The following LARGE1 variants were observed in gnomAD, a reference collection of about 807,000 sequenced individuals.
LARGE1 encodes xylosyl- and glucuronyltransferase LARGE1.
A neutral mutation model predicts 87.6 loss-of-function variants in LARGE1; 43 were observed. That is an observed-to-expected ratio of 0.49 (90% CI 0.38 to 0.63). LARGE1 has a LOEUF of 0.63. LARGE1 is among the 30% of genes least tolerant of loss of function. The pLI, the probability that LARGE1 is intolerant of heterozygous loss-of-function variation, is 0.00. For missense variants in LARGE1, 802 were observed against 1,000.2 expected (o/e 0.80, Z 2.67); for synonymous variants, 434 against 394.6 (o/e 1.10, Z -1.18).
chr22:33,816,625 C>T lies in LARGE1; in HGVS notation c.-82-55067G>A, dbSNP rs1175224205. On this transcript the variant is annotated intron_variant, in intron 1 of 14. Coordinates refer to ENST00000397394, the MANE Select transcript of LARGE1 (RefSeq NM_133642.5). ...AAACATTCAGACCATAGCAGGCAGG[C>T]AGGCGGGAGGGCGGGTGGACATACA... is the stretch of plus-strand genomic sequence containing the variant. Among the ~76,000 whole-genome samples the T allele has an allele frequency of 3.9e-5, 6 of 151,924 alleles. No individual in the cohort carries two copies. The East Asian group carries it at 1.2e-3, about 29-fold the overall frequency.
chr22:33,463,581 G>C (rs1188084317), intron 6 of LARGE1, among the ~76,000 whole-genome samples: 2 of 152,190 alleles, frequency 1.3e-5, no homozygotes, highest in African/African-American at 4.8e-5. Context: ...CAATGTGTGT[G>C]TATGTGTATT....
intron 1 of LARGE1, among the ~76,000 whole-genome samples, chr22:33,769,290 C>G (rs1466722945): frequency 6.6e-6 from 1 of 152,124 alleles, no homozygotes; most frequent in Non-Finnish European, 1.5e-5. Flanking sequence ...AAATGGAAAA[C>G]TGAGACTAAG....
At chr22:33,154,171 A>G in the LARGE1 span, among the ~76,000 whole-genome samples, 1 of 145,478 alleles carries the variant, frequency 6.9e-6, no homozygotes, top group South Asian at 2.1e-4. Context: ...GTTATATGGA[A>G]AAAAAAAAAA....
intron 11 of LARGE1, among the ~76,000 whole-genome samples, chr22:33,169,846 CT>C (rs1406488965): frequency 2.7e-5 from 4 of 150,890 alleles, no homozygotes; most frequent in Admixed American, 6.6e-5. Context: ...GCAAGACTCT[CT>C]CTCAAAAAAG....
intron 1 of LARGE1, among the ~76,000 whole-genome samples, chr22:33,780,168 G>A (rs1233018782): frequency 6.6e-6 from 1 of 152,190 alleles, no homozygotes; most frequent in Non-Finnish European, 1.5e-5. Flanking sequence ...CCCGTTACAA[G>A]GACGCTGGTT....
At chr22:33,247,404 A>G (rs554704149) in intron 11 of LARGE1, among the ~76,000 whole-genome samples, 9 of 152,334 alleles carry the variant, frequency 5.9e-5, no homozygotes, top group South Asian at 2.1e-4. Context: ...AAATTTGTCA[A>G]TCATTACAGC....
chr22:33,391,469 G>A (rs2065519241), intron 7 of LARGE1, among the ~76,000 whole-genome samples: 1 of 152,064 alleles, frequency 6.6e-6, no homozygotes, highest in South Asian at 2.1e-4. Context: ...TGTCTACACT[G>A]AAACTTAAGG....
intron 9 of LARGE1, among the ~76,000 whole-genome samples, chr22:33,355,518 C>A (rs569564896): frequency 6.6e-6 from 1 of 152,176 alleles, no homozygotes; most frequent in Non-Finnish European, 1.5e-5. Context: ...CTGTCCCCTT[C>A]GTGATAACTG....
chr22:33,253,179 G>T (rs1463619194), intron 11 of LARGE1, among the ~76,000 whole-genome samples: 1 of 152,236 alleles, frequency 6.6e-6, no homozygotes, highest in African/African-American at 2.4e-5. Context: ...TCGTAGATAT[G>T]ATAGGGATAA....
chr22:33,490,824 C>T (rs948571521), intron 6 of LARGE1, among the ~76,000 whole-genome samples: 7 of 152,188 alleles, frequency 4.6e-5, no homozygotes, highest in African/African-American at 1.4e-4. Context: ...AGCTCTTCGC[C>T]GGTGACCATG....
intron 1 of LARGE1, among the ~76,000 whole-genome samples, chr22:33,877,814 C>T (rs184847517): frequency 5.9e-5 from 9 of 151,846 alleles, no homozygotes; most frequent in Non-Finnish European, 1.0e-4. Context: ...CTCAGCTACT[C>T]GGGAGGCTGA....
chr22:33,918,163 A>C (rs1256732066), intron 1 of LARGE1, among the ~76,000 whole-genome samples: 1 of 152,152 alleles, frequency 6.6e-6, no homozygotes, highest in Non-Finnish European at 1.5e-5. Flanking sequence ...AAAACCTTTC[A>C]TTTCATTTCT....
intron 1 of LARGE1, among the ~76,000 whole-genome samples, chr22:33,898,433 C>G (rs558194798): frequency 6.6e-6 from 1 of 152,222 alleles, no homozygotes; most frequent in African/African-American, 2.4e-5. Context: ...ATTTCCTCCT[C>G]TCCTTCCACA....
chr22:33,608,153 T>G (rs1468419653), intron 4 of LARGE1, among the ~76,000 whole-genome samples: 3 of 152,180 alleles, frequency 2.0e-5, no homozygotes, highest in African/African-American at 7.2e-5. Flanking sequence ...TGGATTCTTA[T>G]TAACGGAGAA....
At chr22:33,440,941 G>A (rs901975257) in intron 6 of LARGE1, among the ~76,000 whole-genome samples, 11 of 152,068 alleles carry the variant, frequency 7.2e-5, no homozygotes, top group East Asian at 1.9e-4. Context: ...TGCCAAGGGC[G>A]AGCGGTGTTT....
the LARGE1 span, among the ~76,000 whole-genome samples, chr22:33,155,908 G>A: frequency 2.0e-5 from 3 of 152,186 alleles, no homozygotes; most frequent in Non-Finnish European, 1.5e-5. Flanking sequence ...AGCCACTCCA[G>A]CTGTGACTAA....
chr22:33,721,898 T>G (rs2083108922), intron 2 of LARGE1, among the ~76,000 whole-genome samples: 1 of 152,164 alleles, frequency 6.6e-6, no homozygotes, highest in Non-Finnish European at 1.5e-5. Flanking sequence ...TTTATTTTTG[T>G]CTTTGGTATA....
chr22:33,562,827 G>A (rs1471792134), intron 6 of LARGE1: 1 of 152,558 alleles, frequency 6.6e-6, no homozygotes, highest in East Asian at 1.9e-4. Context: ...GGTGACTATG[G>A]TGGTTATACT....
chr22:33,412,099 C>T (rs957998284), intron 7 of LARGE1, among the ~76,000 whole-genome samples: 3 of 152,142 alleles, frequency 2.0e-5, no homozygotes, highest in Non-Finnish European at 2.9e-5. Flanking sequence ...GCCTGGCCAA[C>T]ATGGCAAAAT....
Sources: gnomAD v4.1 joint callset for allele counts (sites outside exome capture counted in the v4.1 genomes callset) on GRCh38, gnomAD v4.1.1 for gene constraint, MANE v1.5 for transcripts, NCBI Gene and HGNC (gene_info 2026-07-23, HGNC 2026-07-21) for gene names.